The following ASTN2 variants were observed in gnomAD, a reference collection of about 807,000 sequenced individuals.
The protein encoded by ASTN2 is astrotactin 2.
Under a neutral mutation model 139.8 loss-of-function variants are expected in ASTN2, and 54 were observed. That is an observed-to-expected ratio of 0.39 (90% CI 0.31 to 0.48). The LOEUF (loss-of-function observed/expected upper bound fraction) is 0.48, where lower values mean the gene tolerates loss of function less well. ASTN2 is among the 20% of genes least tolerant of loss of function. The pLI is 0.95. For synonymous variants in ASTN2, 756 were observed against 719.5 expected (o/e 1.05, Z -0.81); for missense variants, 1,565 against 1,725.1 (o/e 0.91, Z 1.64).
intron 6 of ASTN2, among the ~76,000 whole-genome samples, chr9:117,016,628 A>ATGTTAGGT (rs1332810353): frequency 1.2e-4 from 1 of 8,054 alleles, no homozygotes; most frequent in Non-Finnish European, 4.0e-4. Flanking sequence ...ATCTATCTAT[A>ATGTTAGGT]TATATATATA....
intron 16 of ASTN2, among the ~76,000 whole-genome samples, chr9:116,655,714 C>T (rs1244892849): frequency 6.6e-6 from 1 of 152,006 alleles, no homozygotes; most frequent in Non-Finnish European, 1.5e-5. Context: ...TATATATATA[C>T]AGCGTCTCAC....
intron 12 of ASTN2, among the ~76,000 whole-genome samples, chr9:116,814,052 AAAGAG>A (rs1477945284): frequency 1.3e-5 from 2 of 151,808 alleles, no homozygotes; most frequent in African/African-American, 4.8e-5. Flanking sequence ...AAAAAAAAAA[AAAGAG>A]AGAGAGAGAA....
intron 3 of ASTN2, among the ~76,000 whole-genome samples, chr9:117,185,923 C>T (rs1324984138): frequency 6.6e-6 from 1 of 152,078 alleles, no homozygotes; most frequent in Admixed American, 6.5e-5. Context: ...CTCCATGAAG[C>T]CTGAGACTGT....
chr9:116,642,713 T>C (rs566001692), intron 17 of ASTN2, among the ~76,000 whole-genome samples: 3 of 152,292 alleles, frequency 2.0e-5, no homozygotes, highest in African/African-American at 7.2e-5. Context: ...AAATGCCAAA[T>C]TAACAACCCT....
At chr9:116,531,723 C>T (rs190097966) in intron 19 of ASTN2, among the ~76,000 whole-genome samples, 30 of 152,268 alleles carry the variant, frequency 2.0e-4, no homozygotes, top group Admixed American at 1.7e-3. Context: ...ACATAGTATT[C>T]CATGGTGTAT....
chr9:117,356,816 C>T (rs1165939119), intron 1 of ASTN2, among the ~76,000 whole-genome samples: 6 of 152,096 alleles, frequency 3.9e-5, no homozygotes. Flanking sequence ...GTAATCTCAG[C>T]ATTTGGGAGG....
chr9:117,008,363 C>T (rs931252853), intron 6 of ASTN2, 104 bp from the exon 7 acceptor site: 10 of 1,070,756 alleles, frequency 9.3e-6, no homozygotes, highest in Non-Finnish European at 1.2e-5. Flanking sequence ...CCCAGGTCAT[C>T]TGATCTCATT....
chr9:116,712,726 C>T (rs1009939430), intron 16 of ASTN2, among the ~76,000 whole-genome samples: 14 of 152,174 alleles, frequency 9.2e-5, no homozygotes, highest in Admixed American at 3.3e-4. Context: ...AAGTTGCGTT[C>T]CTTTCTAGAC....
At chr9:116,616,329 A>C (rs1855853408) in intron 19 of ASTN2, among the ~76,000 whole-genome samples, 1 of 152,200 alleles carries the variant, frequency 6.6e-6, no homozygotes, top group African/African-American at 2.4e-5. Flanking sequence ...TATGCCAAAT[A>C]AACAGTAGAG....
chr9:117,151,771 G>A (rs1830331546), intron 3 of ASTN2, among the ~76,000 whole-genome samples: 1 of 152,150 alleles, frequency 6.6e-6, no homozygotes. Context: ...CTTAAAGTGA[G>A]AGACAATTTT....
At chr9:117,262,393 C>T (rs563935695) in intron 2 of ASTN2, among the ~76,000 whole-genome samples, 1 of 112,534 alleles carries the variant, frequency 8.9e-6, no homozygotes, top group Non-Finnish European at 1.9e-5. Context: ...TATTCTGTTT[C>T]TTTTTTTATT....
At chr9:116,622,989 T>G (rs1298214743) in intron 17 of ASTN2, among the ~76,000 whole-genome samples, 1 of 152,160 alleles carries the variant, frequency 6.6e-6, no homozygotes, top group Admixed American at 6.5e-5. Flanking sequence ...TTGGTAAAAT[T>G]AATGTGCTTA....
chr9:117,000,655 T>G (rs191262271), intron 7 of ASTN2, among the ~76,000 whole-genome samples: 1 of 152,128 alleles, frequency 6.6e-6, no homozygotes. Context: ...AAGATAATGG[T>G]AGTCTGTCCT....
At chr9:117,379,248 C>A (rs1386037817) in intron 1 of ASTN2, among the ~76,000 whole-genome samples, 2 of 152,150 alleles carry the variant, frequency 1.3e-5, no homozygotes, top group Non-Finnish European at 2.9e-5. Flanking sequence ...GCTTCCCCAC[C>A]ACGACAGTCT....
intron 1 of ASTN2, among the ~76,000 whole-genome samples, chr9:117,357,540 G>A (rs1363426975): frequency 6.6e-6 from 1 of 151,884 alleles, no homozygotes; most frequent in African/African-American, 2.4e-5. Context: ...AAGAGAATTG[G>A]AAATACTCCT....
At chr9:116,565,423 ATATATATTTATT>A (rs1853175966) in intron 19 of ASTN2, among the ~76,000 whole-genome samples, 2 of 67,716 alleles carry the variant, frequency 3.0e-5, no homozygotes, top group Admixed American at 1.8e-4. Flanking sequence ...ATATATATAT[ATATATATTTATT>A]TATTTATTTT....
At position 117,148,954 on chromosome 9, in the gene ASTN2, G is replaced by A. The variant is rs1486164267; in HGVS notation, c.1016-7476C>T. 2.0e-5 allele frequency among the ~76,000 whole-genome samples: 3 copies of A among 151,162 alleles called. No homozygotes were observed. In the East Asian group the frequency reaches 5.8e-4, roughly 29 times the overall value. On this transcript the variant is annotated intron_variant, in intron 3 of 22. Transcript: ENST00000313400. ...CTTGCTGGCCTACCTTACAGATCTGGAACTTGCCAGCCTCCACAATGACAT... is the reference window on the plus strand; with the variant it reads ...CTTGCTGGCCTACCTTACAGATCTGAAACTTGCCAGCCTCCACAATGACAT...
intron 11 of ASTN2, among the ~76,000 whole-genome samples, chr9:116,823,545 C>A (rs910374534): frequency 3.9e-5 from 6 of 152,216 alleles, no homozygotes; most frequent in African/African-American, 1.4e-4. Flanking sequence ...AGTTAAAGGA[C>A]ATCACCCCAT....
chr9:116,430,262 G>A lies in ASTN2; in HGVS notation c.3783-4174C>T, dbSNP rs1229095740. On this transcript the variant is annotated intron_variant, in intron 22 of 22. Coordinates refer to ENST00000313400, the MANE Select transcript of ASTN2 (RefSeq NM_001365068.1). ...AATGGATTAGGAAAACATATTTGGA[G>A]TGAGAAAGTGATTTTGCCTTTAAGG... Among the ~76,000 whole-genome samples the A allele has an allele frequency of 3.3e-5, 5 of 152,226 alleles. No individual in the cohort carries two copies. In the East Asian group the frequency reaches 9.6e-4, roughly 29 times the overall value.
Sources: allele counts gnomAD v4.1 joint callset (sites outside exome capture counted in the v4.1 genomes callset), GRCh38; gene constraint gnomAD v4.1.1; transcripts MANE v1.5; gene names NCBI Gene and HGNC (gene_info 2026-07-23, HGNC 2026-07-21).